The following RGS20 variants were observed in gnomAD, a reference collection of about 807,000 sequenced individuals.
RGS20 encodes gz-selective GTPase-activating protein.
A neutral mutation model predicts 33.6 loss-of-function variants in RGS20; 30 were observed. The observed-to-expected ratio is 0.89, with a 90% CI of 0.67 to 1.21. The LOEUF (loss-of-function observed/expected upper bound fraction) is 1.21, where lower values mean the gene tolerates loss of function less well. Among genes scored for constraint, RGS20 ranks in the 50% most tolerant of loss-of-function variants. RGS20 has a pLI of 0.00. For missense variants in RGS20, 472 were observed against 502.4 expected (o/e 0.94, Z 0.58); for synonymous variants, 208 against 197.9 (o/e 1.05, Z -0.43).
chr8:53,929,537 G>A (rs13264421), intron 2 of RGS20, among the ~76,000 whole-genome samples: 46,474 of 151,920 alleles, frequency 0.31, 7,469 homozygotes, highest in African/African-American at 0.41. Context: ...ACATGGTGGC[G>A]GACGCCTGTA....
At chr8:53,867,322 C>G (rs1811943113) in intron 1 of RGS20, among the ~76,000 whole-genome samples, 1 of 152,162 alleles carries the variant, frequency 6.6e-6, no homozygotes, top group Admixed American at 6.5e-5. Context: ...CTACATTTTT[C>G]ATGCCTGCAT....
intron 1 of RGS20, chr8:53,876,687 T>A (rs989242584): frequency 6.6e-6 from 1 of 152,300 alleles, no homozygotes; most frequent in African/African-American, 2.4e-5. Context: ...TGATTCACCC[T>A]CATCCCCTCC....
chr8:53,871,436 G>T (rs997549254), intron 1 of RGS20, among the ~76,000 whole-genome samples: 1 of 151,992 alleles, frequency 6.6e-6, no homozygotes, highest in Non-Finnish European at 1.5e-5. Flanking sequence ...CAGCACTTTG[G>T]TGAAACCCTG....
chr8:53,920,481 T>C (rs1813610500), intron 2 of RGS20, among the ~76,000 whole-genome samples: 1 of 152,272 alleles, frequency 6.6e-6, no homozygotes, highest in Non-Finnish European at 1.5e-5. Context: ...CAAATAGAGA[T>C]ATAGAGATAG....
At chr8:53,865,976 G>A (rs1811909508) in intron 1 of RGS20, among the ~76,000 whole-genome samples, 1 of 152,230 alleles carries the variant, frequency 6.6e-6, no homozygotes, top group South Asian at 2.1e-4. Flanking sequence ...CTCAGAGCCT[G>A]ATGGGAAAAC....
At chr8:53,950,620 GTTT>G (rs942607346) in intron 4 of RGS20, among the ~76,000 whole-genome samples, 1 of 141,442 alleles carries the variant, frequency 7.1e-6, no homozygotes, top group Non-Finnish European at 1.6e-5. Context: ...TTAATGTTTT[GTTT>G]TTTTTTTTTT....
At chr8:53,935,583 T>C (rs1246868813) in intron 2 of RGS20, among the ~76,000 whole-genome samples, 1 of 151,996 alleles carries the variant, frequency 6.6e-6, no homozygotes, top group East Asian at 1.9e-4. Flanking sequence ...AATAGAACAA[T>C]AACAAGTTCT....
intron 1 of RGS20, among the ~76,000 whole-genome samples, chr8:53,876,897 A>C (rs1461074517): frequency 7.2e-5 from 11 of 152,186 alleles, no homozygotes; most frequent in African/African-American, 2.7e-4. Flanking sequence ...CACTTGCCTC[A>C]CAAGAGTCTC....
At chr8:53,958,225 A>G in intron 5 of RGS20, 45 bp from the exon 5 acceptor site, 1 of 1,389,056 alleles carries the variant, frequency 7.2e-7, no homozygotes, top group Non-Finnish European at 9.7e-7. Flanking sequence ...GGATAGAGAT[A>G]CAACTGAAGT....
Position 53,875,445 on chromosome 8 carries a change from AAAAAACC to A in RGS20, c.166-3807_166-3801del, listed in dbSNP as rs1404950421. 1.3e-3 allele frequency among the ~76,000 whole-genome samples: 186 copies of A among 147,964 alleles called. 1 individual carries two copies. The highest frequency in any genetic ancestry group is 4.4e-3 in the African/African-American group (172 of 39,442). On this transcript the variant is annotated intron_variant, in intron 1 of 5. Transcript: ENST00000297313. ...AGACTCTGTCAAAAAAAAAAAAAAA[AAAAAACC>A]AAAAAAACCAAAAAAACTAAAAAAC...
At chr8:53,928,086 A>G (rs927341059) in intron 2 of RGS20, among the ~76,000 whole-genome samples, 24 of 152,208 alleles carry the variant, frequency 1.6e-4, no homozygotes, top group Non-Finnish European at 2.9e-4. Context: ...TTTTTAATCT[A>G]AAAGAATTCA....
chr8:53,906,486 G>A (rs1305659961), intron 2 of RGS20, among the ~76,000 whole-genome samples: 1 of 152,132 alleles, frequency 6.6e-6, no homozygotes, highest in Non-Finnish European at 1.5e-5. Flanking sequence ...TCCATCCAAG[G>A]CAAAATAGTA....
chr8:53,939,644 C>T lies in RGS20; in HGVS notation c.579C>T (p.Ala193=), dbSNP rs145333490. 2.5e-6 allele frequency: 4 copies of T among 1,599,236 alleles called. No homozygotes were observed. The African/African-American group carries it at 5.3e-5, about 21-fold the overall frequency. ...CCGCCGCCCAGGACACACCAGGCGC[C>T]GCCCCAGGCCAGCCCGGAGCGGGGA... is the stretch of plus-strand genomic sequence containing the variant. The change falls in exon 3 of 6, where the codon GCC becomes GCT. Residue 193 remains alanine, a synonymous_variant. Coordinates refer to ENST00000297313, the MANE Select transcript of RGS20 (RefSeq NM_170587.4).
At chr8:53,945,361 A>C (rs1814443555) in intron 3 of RGS20, 1 of 152,228 alleles carries the variant, frequency 6.6e-6, no homozygotes, top group Admixed American at 6.5e-5. Context: ...GCCAGCAAAG[A>C]TCACATACGG....
Position 53,954,213 on chromosome 8 carries a change from C to G in RGS20, c.881C>G (p.Ala294Gly). The G allele has an allele frequency of 6.2e-7, 1 of 1,613,858 alleles. No homozygotes were observed. Among genetic ancestry groups the G allele is most frequent in the Non-Finnish European group, 8.5e-7 (1 of 1,179,810 alleles). The change falls in exon 5 of 6, where the codon GCC becomes GGC. Residue 294 changes from alanine (A) to glycine (G), a missense_variant. Physicochemically the swap from Ala to Gly is moderately conservative, Grantham distance 60 (BLOSUM62 0). Coordinates refer to ENST00000297313, the MANE Select transcript of RGS20 (RefSeq NM_170587.4). ...GAGGAAAATATGCTCTTCTGGATGG[C>G]CTGTGAGGAACTGAAAAAGGAAGCT... is the stretch of plus-strand genomic sequence containing the variant.
chr8:53,958,658 A>T lies in RGS20; in HGVS notation c.*200A>T, dbSNP rs958764735. The T allele has an allele frequency of 3.0e-5, 9 of 298,898 alleles. No individual in the cohort carries two copies. Among genetic ancestry groups the T allele is most frequent in the South Asian group, 3.1e-4 (2 of 6,504 alleles). The allele number at this position is 298,898 out of a possible 1,614,324, so 18.5% of individuals were successfully genotyped here. On this transcript the variant is annotated 3_prime_UTR_variant, in exon 6 of 6. Transcript: ENST00000297313. ...CTTTAGTGATACTTTTGAAAAAAAA[A>T]AATAAAGGGATATGGCTGTTGTAGA...
intron 5 of RGS20, among the ~76,000 whole-genome samples, chr8:53,955,352 C>G (rs1218835056): frequency 6.6e-6 from 1 of 151,970 alleles, no homozygotes; most frequent in African/African-American, 2.4e-5. Context: ...ATAAAATTAT[C>G]TTGTTATTCT....
intron 2 of RGS20, among the ~76,000 whole-genome samples, chr8:53,918,293 T>G (rs1211329307): frequency 6.6e-6 from 1 of 152,234 alleles, no homozygotes; most frequent in Admixed American, 6.5e-5. Context: ...TCTATGGATT[T>G]GCCTAGTCTG....
At chr8:53,953,615 AATATT>A (rs1183386683) in intron 4 of RGS20, among the ~76,000 whole-genome samples, 1 of 152,128 alleles carries the variant, frequency 6.6e-6, no homozygotes, top group East Asian at 1.9e-4. Context: ...CTCTTTCTCA[AATATT>A]ATATAATTTT....
Sources: allele counts gnomAD v4.1 joint callset (sites outside exome capture counted in the v4.1 genomes callset), GRCh38; gene constraint gnomAD v4.1.1; transcripts MANE v1.5; gene names NCBI Gene and HGNC (gene_info 2026-07-23, HGNC 2026-07-21).